Variants in SETX observed in about 807,000 individuals in gnomAD.
The protein encoded by SETX is senataxin.
A neutral mutation model predicts 227.2 loss-of-function variants in SETX; 90 were observed. The observed-to-expected ratio is 0.40, with a 90% confidence interval of 0.33 to 0.47. The LOEUF (loss-of-function observed/expected upper bound fraction) is 0.47. Ranked by LOEUF, SETX falls within the 20% of genes least tolerant of loss-of-function variation. SETX has a pLI of 0.91. For synonymous variants in SETX, 1,210 were observed against 1,113.2 expected, an observed-to-expected ratio of 1.09 and a Z score of -1.73; for missense variants, 3,052 against 3,181.5, an observed-to-expected ratio of 0.96 and a Z score of 0.98.
chr9:132,346,946 C>T (rs947698060), intron 3 of SETX, among the ~76,000 whole-genome samples: 6 of 151,802 alleles, frequency 4.0e-5, no homozygotes, highest in African/African-American at 1.2e-4. Context: ...CATAGGGAAA[C>T]CCTGCCTCTA....
intron 10 of SETX, among the ~76,000 whole-genome samples, chr9:132,316,230 G>A (rs967113614): frequency 6.6e-6 from 1 of 152,140 alleles, no homozygotes; most frequent in Non-Finnish European, 1.5e-5. Context: ...CCTCCTTTCA[G>A]TAACACTTCA....
chr9:132,296,601 G>T (rs1215060575), intron 14 of SETX, among the ~76,000 whole-genome samples: 1 of 151,436 alleles, frequency 6.6e-6, no homozygotes, highest in African/African-American at 2.4e-5. Context: ...CCAAAATGCA[G>T]CCCAGCATTC....
intron 7 of SETX, among the ~76,000 whole-genome samples, chr9:132,333,078 C>T (rs960820112): frequency 5.3e-5 from 8 of 151,318 alleles, no homozygotes; most frequent in African/African-American, 1.9e-4. Flanking sequence ...CATAATCTAG[C>T]AAGAAAATAT....
rs118144121 is a variant in SETX at position 132,327,296 on chromosome 9, A to G, written c.4302T>C (p.Asp1434=). The change falls in exon 10 of 26, where the codon GAT becomes GAC. Residue 1434 remains aspartate (D), a synonymous_variant. Transcript: ENST00000224140. ...IKAKHGSPAT[D]DACPLNQCDS... ...CACACTGGTTCAAAGGGCAAGCATC[A>G]TCAGTTGCTGGAGACCCATGTTTTG... 1.7e-5 allele frequency: 28 copies of G among 1,614,210 alleles called. No homozygotes were observed. The highest frequency in any genetic ancestry group is 2.1e-5 in the Non-Finnish European group (25 of 1,180,042).
In SETX at chr9:132,329,114, A is replaced by C. The variant is rs1325192822; in HGVS notation, c.2484T>G (p.Asp828Glu). ...SNIESFYSRK[D>E]TGVQKGDGFI... ...AACCATCTCCTTTCTGAACTCCTGT[A>C]TCTTTCCTTGAATAGAAACTCTCAA... The change falls in exon 10 of 26, where the codon GAT becomes GAG. Residue 828 changes from aspartate (D) to glutamate (E), a missense_variant. Asp to Glu is a conservative substitution (Grantham distance 45, BLOSUM62 2). Coordinates refer to ENST00000224140, the MANE Select transcript of SETX (RefSeq NM_015046.7). 6.2e-7 allele frequency: 1 copy of C among 1,610,210 alleles called. No homozygotes were observed. Among genetic ancestry groups the C allele is most frequent in the East Asian group, 2.2e-5 (1 of 44,828 alleles).
chr9:132,277,549 C>T (rs1008128167), intron 21 of SETX, among the ~76,000 whole-genome samples: 20 of 152,064 alleles, frequency 1.3e-4, no homozygotes, highest in African/African-American at 4.8e-4. Context: ...GAGACCAAGG[C>T]GGGTGGATTG....
intron 12 of SETX, among the ~76,000 whole-genome samples, chr9:132,298,953 C>G (rs1310806412): frequency 1.3e-5 from 2 of 152,032 alleles, no homozygotes; most frequent in Non-Finnish European, 2.9e-5. Flanking sequence ...AAGAACCACT[C>G]TTACCTCAGA....
chr9:132,301,367 G>A (rs546796947), intron 11 of SETX, among the ~76,000 whole-genome samples: 104 of 152,184 alleles, frequency 6.8e-4, no homozygotes, highest in African/African-American at 2.4e-3. Flanking sequence ...GATTACAGGG[G>A]TGAGCCACTG....
intron 21 of SETX, among the ~76,000 whole-genome samples, chr9:132,277,789 CAAAAAAA>C (rs372125008): frequency 0.17 from 11,587 of 68,138 alleles, 560 homozygotes; most frequent in Middle Eastern, 0.36. Flanking sequence ...ACCCTGTCTT[CAAAAAAA>C]AAAAAAAAAA....
chr9:132,338,936 A>AT (rs1339661679), intron 5 of SETX, among the ~76,000 whole-genome samples: 3 of 150,890 alleles, frequency 2.0e-5, no homozygotes, highest in South Asian at 2.1e-4. Context: ...TAAAAAAAAA[A>AT]TTTTTTTGTA....
intron 25 of SETX, among the ~76,000 whole-genome samples, chr9:132,268,054 T>C (rs1205323044): frequency 6.6e-6 from 1 of 152,258 alleles, no homozygotes; most frequent in Admixed American, 6.5e-5. Context: ...ATTTGTCTTG[T>C]TTTGCTCAAC....
At chr9:132,344,289 C>G (rs1456741969) in intron 4 of SETX, among the ~76,000 whole-genome samples, 3 of 152,128 alleles carry the variant, frequency 2.0e-5, no homozygotes, top group African/African-American at 7.2e-5. Flanking sequence ...TCATGGCTCA[C>G]CTCAGGCTCA....
intron 10 of SETX, among the ~76,000 whole-genome samples, chr9:132,323,361 C>CA (rs1484068975): frequency 6.6e-6 from 1 of 151,984 alleles, no homozygotes; most frequent in African/African-American, 2.4e-5. Flanking sequence ...AAGGAAAACA[C>CA]AGAGTTTGGA....
intron 24 of SETX, among the ~76,000 whole-genome samples, chr9:132,271,240 A>G (rs966046721): frequency 2.6e-5 from 4 of 152,008 alleles, no homozygotes; most frequent in African/African-American, 9.7e-5. Context: ...AAATAAAAGA[A>G]CAGATTCACA....
chr9:132,271,888 G>T lies in SETX; in HGVS notation c.7101-80C>A, dbSNP rs527880158. 276 of 1,074,484 alleles carry T rather than the reference G, an allele frequency of 2.6e-4. No homozygotes were observed. In the African/African-American group the frequency reaches 3.6e-3, roughly 14 times the overall value. The allele number at this position is 1,074,484 out of a possible 1,614,324, so 66.6% of individuals were successfully genotyped here. A position where few individuals can be genotyped will look rare whatever the true frequency, so the allele number is the denominator to read the frequency against. On this transcript the variant is annotated intron_variant, in intron 23 of 25. Coordinates refer to ENST00000224140, the MANE Select transcript of SETX (RefSeq NM_015046.7). ...TACATATTTATAAACTAGTTTTTTG[G>T]TTTTTTTTTTTTGAGACGGAGTCTC...
At position 132,329,073 on chromosome 9, in the gene SETX, G is replaced by T; in HGVS notation, c.2525C>A (p.Ser842Tyr). 1 of 1,610,190 alleles carries T rather than the reference G, an allele frequency of 6.2e-7. No homozygotes were observed. The change falls in exon 10 of 26, where the codon TCT (serine) becomes TAT (tyrosine). Residue 842 changes from serine to tyrosine, a missense_variant. Around this residue, in one of 10 missense-constraint regions of SETX, gnomAD observed 1,483 missense variants for 1,312.0 expected, o/e 1.13. Transcript: ENST00000224140. ...ATCCAGAACACCACTAGGGTCTAAA[G>T]AAAGATTGTGTATGAAACCATCTCC... Reference protein sequence around the residue: ...QKGDGFIHNLSLDPSGVLDDK... With the variant: ...QKGDGFIHNLYLDPSGVLDDK...
chr9:132,285,773 G>C (rs182126094), intron 18 of SETX, among the ~76,000 whole-genome samples: 169 of 150,372 alleles, frequency 1.1e-3, no homozygotes, highest in African/African-American at 4.1e-3. Flanking sequence ...CCAGCTACTC[G>C]GGAGGCTGAG....
At chr9:132,341,518 G>T (rs1211583926) in intron 5 of SETX, among the ~76,000 whole-genome samples, 2 of 152,220 alleles carry the variant, frequency 1.3e-5, no homozygotes, top group African/African-American at 4.8e-5. Flanking sequence ...TCCTGCTCCA[G>T]AACTAGGTCT....
In SETX at chr9:132,297,382, A is replaced by G. The variant is rs1844734254; in HGVS notation, c.5782-328T>C. 2.0e-5 allele frequency among the ~76,000 whole-genome samples: 3 copies of G among 152,136 alleles called. No individual in the cohort carries two copies. In the South Asian group the frequency reaches 6.2e-4, roughly 32 times the overall value. On this transcript the variant is annotated intron_variant, in intron 13 of 25. Transcript: ENST00000224140. ...ATCCACAACTTTTCTTCTATTTACT[A>G]CTCTGTTTTTTTCCTTCTTTAGTCA... is the stretch of plus-strand genomic sequence containing the variant.
Sources: allele counts gnomAD v4.1 joint callset (sites outside exome capture counted in the v4.1 genomes callset), GRCh38; gene constraint gnomAD v4.1.1; regional missense constraint gnomAD v4.1.1; transcripts MANE v1.5; gene names NCBI Gene and HGNC (gene_info 2026-07-23, HGNC 2026-07-21).